Variants in STPG2 observed in about 807,000 individuals in gnomAD.
The protein encoded by STPG2 is sperm tail PG-rich repeat containing 2, also known as sperm-tail PG-rich repeat-containing protein 2.
A neutral mutation model predicts 54.2 loss-of-function variants in STPG2; 56 were observed. The observed-to-expected ratio is 1.03, with a 90% CI of 0.83 to 1.29. The LOEUF (loss-of-function observed/expected upper bound fraction) is 1.29. Ranked by LOEUF, STPG2 falls within the 50% of genes most tolerant of loss-of-function variation. The pLI, the probability that STPG2 is intolerant of heterozygous loss-of-function variation, is 0.00. For missense variants in STPG2, 596 were observed against 544.9 expected, an observed-to-expected ratio of 1.09 and a Z score of -0.93; for synonymous variants, 200 against 181.8, an observed-to-expected ratio of 1.10 and a Z score of -0.81.
At position 97,458,729 on chromosome 4, in the gene STPG2, T is replaced by C. The variant is rs144297026; in HGVS notation, c.462+253970A>G. Among the ~76,000 whole-genome samples, 641 of 152,274 alleles carry C rather than the reference T, an allele frequency of 4.2e-3. 3 individuals carry two copies. The highest frequency in any genetic ancestry group is 0.02 in the South Asian group (98 of 4,822). The stretch of plus-strand genomic sequence containing the variant: ...ATGAGAGGATAATGACCTGTTAACT[T>C]TTGTAGTTCTGATTAGATACAGACA... On this transcript the variant is annotated intron_variant, in intron 4 of 4. Transcript: ENST00000522676.
chr4:97,739,918 A>T (rs1245658082), intron 9 of STPG2, among the ~76,000 whole-genome samples: 1 of 152,060 alleles, frequency 6.6e-6, no homozygotes, highest in Non-Finnish European at 1.5e-5. Flanking sequence ...AAAAAAAGAG[A>T]ATTTTAGACC....
At chr4:97,673,672 T>C (rs1367926414) in intron 10 of STPG2, among the ~76,000 whole-genome samples, 1 of 113,484 alleles carries the variant, frequency 8.8e-6, no homozygotes, top group Non-Finnish European at 1.9e-5. Context: ...TACGGCTTTA[T>C]ATTTTTTTTT....
intron 9 of STPG2, among the ~76,000 whole-genome samples, chr4:97,791,169 A>T (rs1726979112): frequency 6.6e-6 from 1 of 152,162 alleles, no homozygotes; most frequent in Non-Finnish European, 1.5e-5. Flanking sequence ...TTTTTGGAAA[A>T]GGTGCAATGA....
intron 8 of STPG2, among the ~76,000 whole-genome samples, chr4:97,854,784 T>G (rs1729278908): frequency 6.6e-6 from 1 of 152,192 alleles, no homozygotes; most frequent in Non-Finnish European, 1.5e-5. Flanking sequence ...GTGCAGCATG[T>G]GCAGGTTTGT....
chr4:97,793,185 C>T (rs1355622964), intron 9 of STPG2, among the ~76,000 whole-genome samples: 2 of 151,926 alleles, frequency 1.3e-5, no homozygotes, highest in Non-Finnish European at 2.9e-5. Context: ...CCTTGCCTAC[C>T]TTACCTAAAA....
At chr4:98,085,326 G>C (rs1198339451) in intron 5 of STPG2, among the ~76,000 whole-genome samples, 2 of 151,974 alleles carry the variant, frequency 1.3e-5, no homozygotes, top group Admixed American at 6.5e-5. Context: ...ACACTATCTT[G>C]ATTACCTGAT....
chr4:97,472,921 CA>C (rs1729974093), intron 4 of STPG2, among the ~76,000 whole-genome samples: 1 of 152,164 alleles, frequency 6.6e-6, no homozygotes, highest in Non-Finnish European at 1.5e-5. Context: ...ATTAGTTCTC[CA>C]AATTAATACT....
chr4:97,859,932 C>G (rs1729463692), intron 8 of STPG2, among the ~76,000 whole-genome samples: 1 of 152,226 alleles, frequency 6.6e-6, no homozygotes. Flanking sequence ...CAGTTTCACT[C>G]TTCTACATAT....
At chr4:97,824,620 A>T (rs569777608) in intron 9 of STPG2, among the ~76,000 whole-genome samples, 1 of 152,226 alleles carries the variant, frequency 6.6e-6, no homozygotes, top group South Asian at 2.1e-4. Flanking sequence ...TGACCTTGTA[A>T]CCACGTGGCA....
chr4:97,902,744 C>G (rs763024586), intron 8 of STPG2, among the ~76,000 whole-genome samples: 2 of 151,986 alleles, frequency 1.3e-5, no homozygotes, highest in African/African-American at 2.4e-5. Context: ...AGAGGCTCCT[C>G]AAAATATTAA....
chr4:97,907,646 C>A (rs1731492593), intron 8 of STPG2, among the ~76,000 whole-genome samples: 1 of 152,162 alleles, frequency 6.6e-6, no homozygotes, highest in Admixed American at 6.5e-5. Context: ...ACCAAAACAG[C>A]ATGGTACTGG....
chr4:97,543,123 T>C (rs1419358199), intron 4 of STPG2, among the ~76,000 whole-genome samples: 1 of 150,910 alleles, frequency 6.6e-6, no homozygotes, highest in Non-Finnish European at 1.5e-5. Flanking sequence ...TAAGGTGTAA[T>C]AAAAAATATA....
intron 5 of STPG2, among the ~76,000 whole-genome samples, chr4:98,064,818 A>T (rs541554734): frequency 6.6e-6 from 1 of 152,134 alleles, no homozygotes; most frequent in African/African-American, 2.4e-5. Flanking sequence ...GATTCAACAC[A>T]TGATGACCTT....
intron 10 of STPG2, among the ~76,000 whole-genome samples, chr4:97,652,322 G>GA (rs1722094415): frequency 6.6e-6 from 1 of 151,744 alleles, no homozygotes; most frequent in African/African-American, 2.4e-5. Context: ...AAAATTCAAT[G>GA]AAACTATGGA....
chr4:97,937,860 G>A (rs924975522), intron 8 of STPG2, among the ~76,000 whole-genome samples: 29 of 152,266 alleles, frequency 1.9e-4, no homozygotes, highest in Non-Finnish European at 1.5e-4. Context: ...CTGCACAACT[G>A]GGGTGGGCGC....
At chr4:97,754,239 G>C (rs1156610202) in intron 9 of STPG2, among the ~76,000 whole-genome samples, 1 of 152,062 alleles carries the variant, frequency 6.6e-6, no homozygotes, top group Non-Finnish European at 1.5e-5. Flanking sequence ...GTTTATCTGA[G>C]CTTCCAAGAA....
chr4:97,616,661 T>C (rs1207638865), intron 10 of STPG2, among the ~76,000 whole-genome samples: 1 of 152,246 alleles, frequency 6.6e-6, no homozygotes, highest in South Asian at 2.1e-4. Context: ...TTGTTGTTTG[T>C]CAAAAACATC....
intron 7 of STPG2, among the ~76,000 whole-genome samples, chr4:97,969,774 C>T (rs904510819): frequency 2.1e-4 from 32 of 152,296 alleles, no homozygotes; most frequent in African/African-American, 5.3e-4. Flanking sequence ...CCCTCTCTCA[C>T]CACTCCTATT....
intron 9 of STPG2, among the ~76,000 whole-genome samples, chr4:97,774,458 G>A (rs1021083408): frequency 1.3e-5 from 2 of 152,042 alleles, no homozygotes; most frequent in African/African-American, 4.8e-5. Flanking sequence ...ACCACAACTC[G>A]GTTGTACCAT....
Sources: allele counts gnomAD v4.1 joint callset (sites outside exome capture counted in the v4.1 genomes callset), GRCh38; gene constraint gnomAD v4.1.1; transcripts MANE v1.5; gene names NCBI Gene and HGNC (gene_info 2026-07-23, HGNC 2026-07-21).